Variants in UTP14A observed in about 807,000 individuals in gnomAD.
UTP14A encodes the protein U3 small nucleolar RNA-associated protein 14 homolog A.
In UTP14A, 5 loss-of-function variants were observed where a neutral mutation model predicts 57.2. The ratio of observed to expected loss-of-function variants is 0.09; its 90% confidence interval spans 0.05 to 0.18. The LOEUF (loss-of-function observed/expected upper bound fraction) is 0.18. UTP14A is among the 10% of genes least tolerant of loss of function. UTP14A has a pLI of 1.00. For missense variants in UTP14A, 430 were observed against 562.1 expected (o/e 0.76, Z 2.38); for synonymous variants, 169 against 210.9 (o/e 0.80, Z 1.72).
chrX:129,908,810 CT>C lies in UTP14A; in HGVS notation c.238+77del, dbSNP rs369255710. The stretch of plus-strand genomic sequence containing the variant: ...GGGCATTGTGTTCACCTCACCCCCC[CT>C]AGGAACTGTTTTTGATGTGGTTAAT... On this transcript the variant is annotated intron_variant, in intron 4 of 14. Coordinates refer to ENST00000394422, the MANE Select transcript of UTP14A (RefSeq NM_006649.4). 7.3e-4 allele frequency: 716 copies of C among 981,683 alleles called. 5 individuals carry two copies. The African/African-American group carries it at 9.5e-3, about 13-fold the overall frequency. 80.9% of individuals were successfully genotyped at this position (981,683 alleles called of 1,213,427 possible).
chrX:129,926,147 C>T (rs1930097423), intron 13 of UTP14A, 35 bp downstream of exon 13: 2 of 1,208,243 alleles, frequency 1.7e-6, no homozygotes, highest in African/African-American at 3.5e-5. Context: ...CAAAAGGGCA[C>T]CGGGTTCTCC....
chrX:129,920,400 G>T, intron 8 of UTP14A, 57 bp from the exon 9 acceptor site: 1 of 1,208,885 alleles, frequency 8.3e-7, no homozygotes, highest in Non-Finnish European at 1.1e-6. Context: ...GGGCACTTGT[G>T]CCTATGACAT....
At chrX:129,913,302 C>G (rs753331801) in intron 6 of UTP14A, 1 of 327,760 alleles carries the variant, frequency 3.1e-6, no homozygotes, top group Non-Finnish European at 6.1e-6. Flanking sequence ...CTACCATTCT[C>G]TTTCTAGGAG....
At chrX:129,914,364 G>A (rs1438736802) in intron 6 of UTP14A, among the ~76,000 whole-genome samples, 1 of 111,088 alleles carries the variant, frequency 9.0e-6, no homozygotes, top group Non-Finnish European at 1.9e-5. Flanking sequence ...ATCACCTGAG[G>A]TCAGGAGTTC....
Position 129,911,847 on chromosome X carries a change from G to A in UTP14A, c.463G>A (p.Glu155Lys). 8.3e-7 allele frequency: 1 copy of A among 1,211,650 alleles called. No individual in the cohort carries two copies. The highest frequency in any genetic ancestry group is 1.1e-6 in the Non-Finnish European group (1 of 895,502). The change falls in exon 6 of 15, where the codon GAG becomes AAG. Residue 155 changes from glutamate (E) to lysine (K), a missense_variant. Transcript: ENST00000394422. Reference protein sequence around the residue: ...DPVVLKNRQAEQLVFPLEKEE... With the variant: ...DPVVLKNRQAKQLVFPLEKEE... ...TGTCGTCCTGAAGAACCGGCAGGCA[G>A]AGCAGCTGGTTTTTCCCCTGGAGAA...
At chrX:129,907,988 C>A in intron 2 of UTP14A, 72 bp from the exon 3 acceptor site, 2 of 879,275 alleles carry the variant, frequency 2.3e-6, no homozygotes, top group Non-Finnish European at 3.3e-6. Flanking sequence ...AGAGATTTTA[C>A]ATGAGACTCA....
At position 129,926,028 on chromosome X, in the gene UTP14A, A is replaced by C; in HGVS notation, c.1859A>C (p.Lys620Thr). The change falls in exon 13 of 15, where the codon AAG (lysine) becomes ACG (threonine). Residue 620 changes from lysine (K) to threonine (T), a missense_variant. Around this residue, in one of 4 missense-constraint regions of UTP14A, gnomAD observed 82 missense variants for 151.4 expected, o/e 0.54. Coordinates refer to ENST00000394422, the MANE Select transcript of UTP14A (RefSeq NM_006649.4). ...KEKREAVEAS[K>T]PKDVDLTLPG... ...AAGAGGGAAGCTGTGGAGGCGAGTA[A>C]GCCAAAGGACGTGGACCTGACACTA... 1 of 1,211,805 alleles carries C rather than the reference A, an allele frequency of 8.3e-7. No individual in the cohort carries two copies.
Position 129,908,063 on chromosome X carries a change from G to T in UTP14A, c.106G>T (p.Asp36Tyr), listed in dbSNP as rs747132410. The T allele has an allele frequency of 2.1e-5, 25 of 1,204,591 alleles. No individual in the cohort carries two copies. The highest frequency in any genetic ancestry group is 2.7e-5 in the Non-Finnish European group (24 of 892,671). The change falls in exon 3 of 15, where the codon GAC becomes TAC. Residue 36 changes from aspartate (D) to tyrosine (Y), a missense_variant. Transcript: ENST00000394422. ...YLLSESEDEG[D>Y]NDGERKHQKL... ...TTTTTCCTTTTCTGTGTCTTAGGGG[G>T]ACAATGATGGAGAGAGAAAGCATCA... is the stretch of plus-strand genomic sequence containing the variant.
In UTP14A at chrX:129,911,388, G is replaced by GC. The variant is rs774639987; in HGVS notation, c.381+240dup. Among the ~76,000 whole-genome samples, 810 of 110,529 alleles carry GC rather than the reference G, an allele frequency of 7.3e-3. 12 individuals carry two copies. Among genetic ancestry groups the GC allele is most frequent in the African/African-American group, 0.025 (768 of 30,372 alleles). Reference sequence around the variant, plus strand: ...ACCTGAGGTCAGGAGTTCGAGACCAGCCTGTCCAACATGGTGAAACCCCGT... The same window carrying GC: ...ACCTGAGGTCAGGAGTTCGAGACCAGCCCTGTCCAACATGGTGAAACCCCGT... On this transcript the variant is annotated intron_variant, in intron 5 of 14. Coordinates refer to ENST00000394422, the MANE Select transcript of UTP14A (RefSeq NM_006649.4).
chrX:129,919,338 C>T (rs1225125402), intron 7 of UTP14A, 44 bp downstream of exon 7: 1 of 1,211,143 alleles, frequency 8.3e-7, no homozygotes, highest in South Asian at 1.8e-5. Context: ...GCATGCCACG[C>T]TTCTCCTAGC....
chrX:129,926,424 CAAG>C, intron 14 of UTP14A, 85 bp downstream of exon 14: 7 of 832,839 alleles, frequency 8.4e-6, no homozygotes, highest in Non-Finnish European at 1.2e-5. Flanking sequence ...GATCTGTAGT[CAAG>C]AGAGACGTGT....
chrX:129,929,595 G>A lies in UTP14A; in HGVS notation c.2303G>A (p.Cys768Tyr). ...CGTCACAAAAAACAGCTGAAGAAAT[G>A]CTCTGTAGATTGAGTTGCTGGAGGA... ...TTRHKKQLKK[C>Y]SVD The change falls in exon 15 of 15, where the codon TGC (cysteine) becomes TAC (tyrosine). Residue 768 changes from cysteine (C) to tyrosine (Y), a missense_variant. Around this residue, in one of 4 missense-constraint regions of UTP14A, gnomAD observed 82 missense variants for 151.4 expected, o/e 0.54. Coordinates refer to ENST00000394422, the MANE Select transcript of UTP14A (RefSeq NM_006649.4). 8.3e-7 allele frequency: 1 copy of A among 1,209,411 alleles called. No individual in the cohort carries two copies. The highest frequency in any genetic ancestry group is 1.1e-6 in the Non-Finnish European group (1 of 893,449).
intron 6 of UTP14A, among the ~76,000 whole-genome samples, chrX:129,918,292 C>T (rs1022528423): frequency 9.4e-6 from 1 of 106,342 alleles, no homozygotes; most frequent in Non-Finnish European, 1.9e-5. Flanking sequence ...GAGGCTGAGG[C>T]AGAAGGATCA....
At chrX:129,910,561 G>A (rs1402975859) in intron 4 of UTP14A, among the ~76,000 whole-genome samples, 5 of 111,526 alleles carry the variant, frequency 4.5e-5, no homozygotes, top group Admixed American at 1.9e-4. Flanking sequence ...GTGGTGGCAC[G>A]CGCCTATAGT....
At chrX:129,929,197 G>C (rs1930226107) in intron 14 of UTP14A, 139 bp from the exon 15 acceptor site, 1 of 786,188 alleles carries the variant, frequency 1.3e-6, no homozygotes, top group Non-Finnish European at 1.8e-6. Flanking sequence ...GGGACGCCTT[G>C]ACCTCTCAGT....
chrX:129,913,239 G>A (rs755533325), intron 6 of UTP14A: 42 of 263,528 alleles, frequency 1.6e-4, no homozygotes, highest in African/African-American at 5.4e-4. Context: ...GAAATTGAGC[G>A]AGTAGTTGCT....
chrX:129,906,222 C>G lies in UTP14A; in HGVS notation c.12C>G (p.Asn4Lys). Residue 4 changes from asparagine to lysine, a missense_variant, in exon 1 of 15, where the codon AAC becomes AAG. Transcript: ENST00000394422. Reference protein sequence around the residue: MTANRLAESLLALS... With the variant: MTAKRLAESLLALS... ...AGCTGGCTGCTGAAATGACTGCGAA[C>G]CGGCTTGCAGAGAGGTGAAGGGCAA... is the stretch of plus-strand genomic sequence containing the variant. The G allele has an allele frequency of 1.7e-6, 2 of 1,209,869 alleles. No individual in the cohort carries two copies. The highest frequency in any genetic ancestry group is 2.2e-6 in the Non-Finnish European group (2 of 894,546).
intron 12 of UTP14A, 113 bp from the exon 13 acceptor site, chrX:129,925,806 G>T: frequency 2.1e-6 from 2 of 936,774 alleles, no homozygotes. Context: ...GACCATCATT[G>T]TTCAGCACTT....
At chrX:129,910,749 G>C (rs1227970568) in intron 4 of UTP14A, among the ~76,000 whole-genome samples, 1 of 112,493 alleles carries the variant, frequency 8.9e-6, no homozygotes, top group East Asian at 2.8e-4. Flanking sequence ...TGGGGCAAGA[G>C]TAGAAGCACC....
Sources: allele counts gnomAD v4.1 joint callset (sites outside exome capture counted in the v4.1 genomes callset), GRCh38; gene constraint gnomAD v4.1.1; regional missense constraint gnomAD v4.1.1; transcripts MANE v1.5; gene names NCBI Gene and HGNC (gene_info 2026-07-23, HGNC 2026-07-21).